Variants in CACNA1A observed in about 807,000 individuals in gnomAD.
CACNA1A encodes calcium voltage-gated channel subunit alpha1 A.
In CACNA1A, 57 loss-of-function variants were observed where a neutral mutation model predicts 262.4. That is an observed-to-expected ratio of 0.22 (90% confidence interval 0.18 to 0.27). The LOEUF (loss-of-function observed/expected upper bound fraction) is 0.27, where lower values mean the gene tolerates loss of function less well. Ranked by LOEUF, CACNA1A falls within the 10% of genes least tolerant of loss-of-function variation. The pLI is 1.00. For missense variants in CACNA1A, 2,526 were observed against 3,562.8 expected, an observed-to-expected ratio of 0.71 and a Z score of 7.41; for synonymous variants, 1,431 against 1,419.3, an observed-to-expected ratio of 1.01 and a Z score of -0.18.
At position 13,261,797 on chromosome 19, in the gene CACNA1A, C is replaced by T. The variant is rs2056740295; in HGVS notation, c.4090-187G>A. ...AAGCGTTGGAGGAGTTGGACTCAAT[C>T]CTGGCATTCTATGGATCTAAAACTC... is the stretch of plus-strand genomic sequence containing the variant. On this transcript the variant is annotated intron_variant, in intron 25 of 46. Coordinates refer to ENST00000360228, the MANE Select transcript of CACNA1A (RefSeq NM_001127222.2). The T allele has an allele frequency of 4.3e-5, 25 of 576,356 alleles. No individual in the cohort carries two copies. The East Asian group carries it at 7.2e-4, about 17-fold the overall frequency. 35.7% of individuals were successfully genotyped at this position (576,356 alleles called of 1,614,324 possible).
At chr19:13,248,409 C>CA (rs61481896) in intron 30 of CACNA1A, among the ~76,000 whole-genome samples, 17,647 of 58,468 alleles carry the variant, frequency 0.3, 2,501 homozygotes, top group Non-Finnish European at 0.34. Flanking sequence ...GATCCCATCT[C>CA]AAAAAAAAAA....
intron 3 of CACNA1A, among the ~76,000 whole-genome samples, chr19:13,425,485 C>G (rs1355620510): frequency 2.6e-5 from 4 of 152,154 alleles, no homozygotes; most frequent in Admixed American, 6.6e-5. Context: ...AGGTAAGAAA[C>G]CTGAAGTTAA....
intron 1 of CACNA1A, among the ~76,000 whole-genome samples, chr19:13,497,296 T>C (rs1300608620): frequency 2.0e-5 from 3 of 150,708 alleles, no homozygotes; most frequent in African/African-American, 7.3e-5. Flanking sequence ...CACCTCGAAT[T>C]CATTCATTCA....
At chr19:13,448,523 C>T (rs1054731004) in intron 3 of CACNA1A, among the ~76,000 whole-genome samples, 12 of 152,034 alleles carry the variant, frequency 7.9e-5, no homozygotes, top group Non-Finnish European at 1.6e-4. Flanking sequence ...CAAAAAAAAC[C>T]ACACAGGGAT....
At chr19:13,364,165 C>G (rs1005274722) in intron 5 of CACNA1A, 2 of 152,276 alleles carry the variant, frequency 1.3e-5, no homozygotes, top group South Asian at 2.1e-4. Flanking sequence ...CTGCTGAGTG[C>G]TAGGTTCTGA....
chr19:13,492,714 C>A (rs1187678463), intron 1 of CACNA1A, among the ~76,000 whole-genome samples: 1 of 152,112 alleles, frequency 6.6e-6, no homozygotes, highest in African/African-American at 2.4e-5. Context: ...GTGGTTATTC[C>A]ATTTCCTTTG....
chr19:13,398,114 T>A (rs539858018), intron 3 of CACNA1A, among the ~76,000 whole-genome samples: 1 of 151,884 alleles, frequency 6.6e-6, no homozygotes, highest in African/African-American at 2.4e-5. Context: ...ATACAAAAAA[T>A]TAGCCAGGTG....
intron 2 of CACNA1A, among the ~76,000 whole-genome samples, chr19:13,453,805 AATG>A (rs1485490994): frequency 6.6e-6 from 1 of 152,144 alleles, no homozygotes; most frequent in Non-Finnish European, 1.5e-5. Flanking sequence ...ACTCTGCCTG[AATG>A]ATTTTTTTTT....
At chr19:13,450,681 G>A (rs927653426) in intron 3 of CACNA1A, 1 of 152,218 alleles carries the variant, frequency 6.6e-6, no homozygotes, top group Admixed American at 6.5e-5. Context: ...ACAGGTGTTT[G>A]CTCTATTATT....
chr19:13,469,121 ACCAG>A (rs1289120131), intron 1 of CACNA1A, among the ~76,000 whole-genome samples: 4 of 152,172 alleles, frequency 2.6e-5, no homozygotes, highest in African/African-American at 9.7e-5. Flanking sequence ...TCTTCCTTAA[ACCAG>A]CCAATGCCAT....
chr19:13,268,590 G>A (rs554306413), intron 24 of CACNA1A, among the ~76,000 whole-genome samples: 10 of 151,638 alleles, frequency 6.6e-5, no homozygotes, highest in East Asian at 3.9e-4. Context: ...CCACCACCAC[G>A]CCCAGCTAAT....
intron 1 of CACNA1A, among the ~76,000 whole-genome samples, chr19:13,457,603 C>CT (rs2061037004): frequency 6.6e-6 from 1 of 152,142 alleles, no homozygotes; most frequent in Non-Finnish European, 1.5e-5. Context: ...GTAATCCCAG[C>CT]ACTTTGGAAG....
chr19:13,469,541 C>T (rs1029402355), intron 1 of CACNA1A, among the ~76,000 whole-genome samples: 1 of 144,162 alleles, frequency 6.9e-6, no homozygotes, highest in Admixed American at 7.2e-5. Context: ...CTCCGCCTCC[C>T]GGGTTCACGC....
chr19:13,499,019 T>G (rs988509860), intron 1 of CACNA1A, among the ~76,000 whole-genome samples: 4 of 152,078 alleles, frequency 2.6e-5, no homozygotes, highest in Admixed American at 6.5e-5. Flanking sequence ...TTTTTCCTAT[T>G]TTTTTAGGGA....
In CACNA1A at chr19:13,245,283, A is replaced by G. The variant is rs2144692214; in HGVS notation, c.4867-18T>C. 1 of 1,605,684 alleles carries G rather than the reference A, an allele frequency of 6.2e-7. No individual in the cohort carries two copies. Among genetic ancestry groups the G allele is most frequent in the Non-Finnish European group, 8.5e-7 (1 of 1,172,296 alleles). On this transcript the variant is annotated intron_variant, in intron 30 of 46. Transcript: ENST00000360228. ...AAATAATTCTAGAATGGGGACCCACAAGACAGAGATGCCAACAGAGGGCTT... is the reference window on the plus strand; with the variant it reads ...AAATAATTCTAGAATGGGGACCCACGAGACAGAGATGCCAACAGAGGGCTT...
At chr19:13,443,348 T>A (rs552039519) in intron 3 of CACNA1A, among the ~76,000 whole-genome samples, 15 of 152,084 alleles carry the variant, frequency 9.9e-5, no homozygotes, top group African/African-American at 3.6e-4. Flanking sequence ...ATTTTATTTT[T>A]ATTTTTATTT....
intron 1 of CACNA1A, among the ~76,000 whole-genome samples, chr19:13,470,078 C>G (rs1308847055): frequency 2.6e-5 from 4 of 152,094 alleles, no homozygotes; most frequent in African/African-American, 9.7e-5. Flanking sequence ...AGAATCCCAG[C>G]ATCCTATATC....
rs530306399 is a variant in CACNA1A at position 13,425,998 on chromosome 19, T to C, written c.539+26878A>G. 5.9e-5 allele frequency among the ~76,000 whole-genome samples: 9 copies of C among 152,226 alleles called. No individual in the cohort carries two copies. In the South Asian group the frequency reaches 1.9e-3, roughly 32 times the overall value. The stretch of plus-strand genomic sequence containing the variant: ...ATTTGGGCCTGGGAGGCTGAGGTTG[T>C]AGTGAACTGATATTGCACCACTGCA... On this transcript the variant is annotated intron_variant, in intron 3 of 46. Coordinates refer to ENST00000360228, the MANE Select transcript of CACNA1A (RefSeq NM_001127222.2).
intron 3 of CACNA1A, among the ~76,000 whole-genome samples, chr19:13,424,516 A>G (rs2060368161): frequency 6.6e-6 from 1 of 152,094 alleles, no homozygotes; most frequent in Non-Finnish European, 1.5e-5. Context: ...CCCAGGCTGG[A>G]GTGCAGTGGC....
Sources: allele counts gnomAD v4.1 joint callset (sites outside exome capture counted in the v4.1 genomes callset), GRCh38; gene constraint gnomAD v4.1.1; transcripts MANE v1.5; gene names NCBI Gene and HGNC (gene_info 2026-07-23, HGNC 2026-07-21).